The following LYSMD2 variants were observed in gnomAD, a reference collection of about 807,000 sequenced individuals.
LYSMD2 encodes lysM and putative peptidoglycan-binding domain-containing protein 2.
A neutral mutation model predicts 17.7 loss-of-function variants in LYSMD2; 6 were observed. The ratio of observed to expected loss-of-function variants is 0.34; its 90% CI spans 0.19 to 0.67. The LOEUF (loss-of-function observed/expected upper bound fraction) is 0.67. Among genes scored for constraint, LYSMD2 ranks in the 30% least tolerant of loss-of-function variants. LYSMD2 has a pLI of 0.69. For synonymous variants in LYSMD2, 102 were observed against 129.8 expected (o/e 0.79, Z 1.45); for missense variants, 237 against 286.7 (o/e 0.83, Z 1.25).
chr15:51,741,921 C>T (rs2055644759), upstream of LYSMD2, among the ~76,000 whole-genome samples: 1 of 149,214 alleles, frequency 6.7e-6, no homozygotes, highest in Non-Finnish European at 1.5e-5. Flanking sequence ...CTCTATCTCA[C>T]AAAAATAATA....
upstream of LYSMD2, chr15:51,737,807 C>T (rs2055622358): frequency 2.7e-6 from 1 of 371,312 alleles, no homozygotes; most frequent in Non-Finnish European, 4.6e-6. The surrounding 1 kb of genome is among the most constrained non-coding windows in gnomAD (Gnocchi z 4.2). Context: ...TCCTCTGCGT[C>T]CTGCCTGCCC....
At chr15:51,735,416 G>C (rs185026876) in intron 1 of LYSMD2, among the ~76,000 whole-genome samples, 20 of 152,242 alleles carry the variant, frequency 1.3e-4, no homozygotes, top group Admixed American at 9.8e-4. Flanking sequence ...AGTGCTACTG[G>C]CATCTAGTGG....
chr15:51,751,200 G>A, intron 1 of LYSMD2: 1 of 696,242 alleles, frequency 1.4e-6, no homozygotes, highest in Non-Finnish European at 2.6e-6. Flanking sequence ...TCCCTAGGCT[G>A]CCAACCCAAC....
chr15:51,746,353 A>G (rs1284285263), intron 1 of LYSMD2, among the ~76,000 whole-genome samples: 1 of 152,244 alleles, frequency 6.6e-6, no homozygotes, highest in East Asian at 1.9e-4. Flanking sequence ...CAGTCATAAA[A>G]GACAACATGT....
rs531326517 is a variant in LYSMD2 at position 51,748,145 on chromosome 15, C to T, written c.-1+3126G>A. Reference sequence around the variant, plus strand: ...AATTAGGCGGGTGTAGTGGCAGCACCTGTAGTCCCAGCTACTCAGGAGGCT... The same window carrying T: ...AATTAGGCGGGTGTAGTGGCAGCACTTGTAGTCCCAGCTACTCAGGAGGCT... On this transcript the variant is annotated intron_variant, in intron 1 of 2. Coordinates refer to the LYSMD2 transcript ENST00000454181. Among the ~76,000 whole-genome samples the T allele has an allele frequency of 6.1e-4, 92 of 151,716 alleles. 1 individual carries two copies. In the East Asian group the frequency reaches 0.015, roughly 24 times the overall value.
chr15:51,735,918 G>T lies in LYSMD2; in HGVS notation c.273+1432C>A, dbSNP rs1045536783. Reference sequence around the variant, plus strand: ...AGATGCCTGAAAACCAGATAGAAAAGACTGTCCTCCTTCAGTAGCCAGGAT... The same window carrying T: ...AGATGCCTGAAAACCAGATAGAAAATACTGTCCTCCTTCAGTAGCCAGGAT... On this transcript the variant is annotated intron_variant, in intron 1 of 2. Transcript: ENST00000267838. 3.3e-5 allele frequency among the ~76,000 whole-genome samples: 5 copies of T among 152,190 alleles called. No individual in the cohort carries two copies. In the South Asian group the frequency reaches 6.2e-4, roughly 19 times the overall value.
intron 1 of LYSMD2, among the ~76,000 whole-genome samples, chr15:51,733,316 A>T (rs2055588058): frequency 6.6e-6 from 1 of 151,334 alleles, no homozygotes; most frequent in Non-Finnish European, 1.5e-5. Flanking sequence ...ATGCTTATCA[A>T]TATAAGATAC....
intron 1 of LYSMD2, among the ~76,000 whole-genome samples, chr15:51,734,420 A>C (rs544567856): frequency 6.6e-6 from 1 of 152,218 alleles, no homozygotes; most frequent in South Asian, 2.1e-4. Context: ...TACCCTTGTA[A>C]TCCAGGGCTG....
chr15:51,729,789 C>T lies in LYSMD2; in HGVS notation c.274-4668G>A, dbSNP rs183398954. Among the ~76,000 whole-genome samples, 10 of 152,326 alleles carry T rather than the reference C, an allele frequency of 6.6e-5. No homozygotes were observed. In the East Asian group the frequency reaches 9.6e-4, roughly 15 times the overall value. ...GGTATGTTTTATACTTCTGTCTGAACGTAGCTGGGTCTACTGTTCTGGCAA... is the reference window on the plus strand; with the variant it reads ...GGTATGTTTTATACTTCTGTCTGAATGTAGCTGGGTCTACTGTTCTGGCAA... On this transcript the variant is annotated intron_variant, in intron 1 of 2. Coordinates refer to ENST00000267838, the MANE Select transcript of LYSMD2 (RefSeq NM_153374.3).
chr15:51,751,297 G>T (rs2055699680), exon 1 of LYSMD2: 1 of 702,478 alleles, frequency 1.4e-6, no homozygotes, highest in Non-Finnish European at 2.6e-6. Flanking sequence ...CGCGGCTTCC[G>T]TGTCAGGATG....
At chr15:51,729,499 C>A (rs894428693) in intron 1 of LYSMD2, among the ~76,000 whole-genome samples, 2 of 152,244 alleles carry the variant, frequency 1.3e-5, no homozygotes, top group African/African-American at 4.8e-5. Flanking sequence ...CGCTCTGTCA[C>A]CCAGACTGGA....
intron 1 of LYSMD2, among the ~76,000 whole-genome samples, chr15:51,731,005 A>C (rs2055573067): frequency 6.6e-6 from 1 of 152,216 alleles, no homozygotes; most frequent in South Asian, 2.1e-4. Flanking sequence ...ATGAGATTCT[A>C]TTTATGGCAA....
In LYSMD2 at chr15:51,723,537, T is replaced by C; in HGVS notation, c.*70A>G. 1 of 1,252,492 alleles carries C rather than the reference T, an allele frequency of 8.0e-7. No individual in the cohort carries two copies. Among genetic ancestry groups the C allele is most frequent in the Non-Finnish European group, 1.2e-6 (1 of 853,112 alleles). 77.6% of individuals were successfully genotyped at this position (1,252,492 alleles called of 1,614,324 possible). A position where few individuals can be genotyped will look rare whatever the true frequency, so the allele number is the denominator to read the frequency against. ...GGAATCCAGAAGGGATGTTTTTGAATCTTCAGTTGTTGGATTCTTTATGGT... is the reference window on the plus strand; with the variant it reads ...GGAATCCAGAAGGGATGTTTTTGAACCTTCAGTTGTTGGATTCTTTATGGT... On this transcript the variant is annotated 3_prime_UTR_variant, in exon 3 of 3. Transcript: ENST00000267838.
chr15:51,731,852 G>GCTAAAT (rs1420200068), intron 1 of LYSMD2, among the ~76,000 whole-genome samples: 6 of 152,100 alleles, frequency 3.9e-5, no homozygotes, highest in Non-Finnish European at 8.8e-5. Context: ...AAAAGCAATA[G>GCTAAAT]CTAAATCTAG....
intron 1 of LYSMD2, among the ~76,000 whole-genome samples, chr15:51,750,336 T>C (rs142583595): frequency 3.4e-4 from 52 of 152,376 alleles, no homozygotes; most frequent in African/African-American, 1.2e-3. Flanking sequence ...GAATTTCCTC[T>C]GCAGCACGTT....
At position 51,724,773 on chromosome 15, in the gene LYSMD2, T is replaced by C. The variant is rs774017798; in HGVS notation, c.605+17A>G. 1 of 1,584,544 alleles carries C rather than the reference T, an allele frequency of 6.3e-7. No individual in the cohort carries two copies. The highest frequency in any genetic ancestry group is 1.3e-5 in the African/African-American group (1 of 74,108). ...TGATTTATTTAGACTTTGACATTTGTACCAGGGTATTCTTACCTGCTCTCT... is the reference window on the plus strand; with the variant it reads ...TGATTTATTTAGACTTTGACATTTGCACCAGGGTATTCTTACCTGCTCTCT... On this transcript the variant is annotated intron_variant, in intron 2 of 2. Coordinates refer to ENST00000267838, the MANE Select transcript of LYSMD2 (RefSeq NM_153374.3).
intron 1 of LYSMD2, among the ~76,000 whole-genome samples, chr15:51,735,114 C>T (rs1425541889): frequency 2.6e-5 from 4 of 151,576 alleles, no homozygotes; most frequent in Non-Finnish European, 1.5e-5. Context: ...GCTGAGGCTG[C>T]AGTGAGCCAT....
Position 51,724,885 on chromosome 15 carries a change from C to G in LYSMD2, c.510G>C (p.Gln170His), listed in dbSNP as rs960109614. Residue 170 changes from glutamine (Q) to histidine (H), a missense_variant, in exon 2 of 3, where the codon CAG becomes CAC. Transcript: ENST00000267838. Reference protein sequence around the residue: ...SPQESDVQPVQPEEVSARDFL... With the variant: ...SPQESDVQPVHPEEVSARDFL... ...AATCTCTGGCTGACACTTCCTCAGG[C>G]TGCACAGGCTGAACATCAGATTCTT... 11 of 1,614,014 alleles carry G rather than the reference C, an allele frequency of 6.8e-6. No homozygotes were observed. The highest frequency in any genetic ancestry group is 7.6e-6 in the Non-Finnish European group (9 of 1,180,004).
chr15:51,730,523 AT>A (rs67190583), intron 1 of LYSMD2, among the ~76,000 whole-genome samples: 34 of 152,178 alleles, frequency 2.2e-4, no homozygotes, highest in African/African-American at 7.5e-4. Flanking sequence ...CTCAAAAAAA[AT>A]TTTTTTTAAT....
Sources: gnomAD v4.1 joint callset for allele counts (sites outside exome capture counted in the v4.1 genomes callset) on GRCh38, gnomAD v4.1.1 for gene constraint, Gnocchi (gnomAD v3.1) non-coding constraint, MANE v1.5 for transcripts, NCBI Gene and HGNC (gene_info 2026-07-23, HGNC 2026-07-21) for gene names.